EYS: variants seen among roughly 807,000 people sequenced by gnomAD.
EYS encodes the protein EGF-like photoreceptor maintenance factor, also known as protein eyes shut homolog.
In EYS, 250 loss-of-function variants were observed where a neutral mutation model predicts 282.1. The observed-to-expected ratio is 0.89, with a 90% CI of 0.80 to 0.98. The LOEUF is 0.98. EYS is among the 50% of genes least tolerant of loss of function. The probability of loss-of-function intolerance (pLI) is 0.00; values close to 1 mark genes in which losing one functional copy is unlikely to be tolerated. For synonymous variants in EYS, 1,355 were observed against 1,282.9 expected (o/e 1.06, Z -1.20); for missense variants, 4,016 against 3,709.0 (o/e 1.08, Z -2.15).
chr6:64,066,309 A>T (rs1016293105), intron 33 of EYS, 29 bp downstream of exon 33: 1 of 1,524,992 alleles, frequency 6.6e-7, no homozygotes, highest in Admixed American at 2.3e-5. Flanking sequence ...TTTCAGCACG[A>T]AAGAACTACC....
At chr6:64,658,729 G>A (rs1157904581) in intron 22 of EYS, among the ~76,000 whole-genome samples, 1 of 152,182 alleles carries the variant, frequency 6.6e-6, no homozygotes, top group Non-Finnish European at 1.5e-5. Context: ...TGTCTCAGAG[G>A]AGTACCCGGC....
At chr6:65,162,911 T>TTGTGTGTGTGTGTGTGTGTG (rs3036015) in intron 12 of EYS, among the ~76,000 whole-genome samples, 4,387 of 147,318 alleles carry the variant, frequency 0.03, 81 homozygotes, top group Middle Eastern at 0.062. Context: ...CCTGTTCTGT[T>TTGTGTGTGTGTGTGTGTGTG]TGTGTGTGTG....
At chr6:65,077,516 T>C (rs1392031806) in intron 12 of EYS, among the ~76,000 whole-genome samples, 1 of 152,066 alleles carries the variant, frequency 6.6e-6, no homozygotes, top group Non-Finnish European at 1.5e-5. Context: ...AATAAATGCA[T>C]TAAGTTAGAT....
At chr6:64,262,065 T>C (rs1467265769) in intron 30 of EYS, among the ~76,000 whole-genome samples, 1 of 152,140 alleles carries the variant, frequency 6.6e-6, no homozygotes, top group Non-Finnish European at 1.5e-5. Context: ...ACTGTATTCT[T>C]GATTACTTGT....
chr6:65,007,993 T>C (rs1323833646), intron 13 of EYS, among the ~76,000 whole-genome samples: 1 of 152,040 alleles, frequency 6.6e-6, no homozygotes, highest in Non-Finnish European at 1.5e-5. Context: ...TGATCTCTGG[T>C]ATATCAGTCA....
chr6:65,257,620 A>T (rs1767504219), intron 12 of EYS, among the ~76,000 whole-genome samples: 2 of 151,226 alleles, frequency 1.3e-5, no homozygotes, highest in Admixed American at 6.6e-5. Context: ...GTTCTGTTCC[A>T]TTGATCTATA....
intron 33 of EYS, among the ~76,000 whole-genome samples, chr6:64,041,530 G>A (rs1329701678): frequency 6.6e-6 from 1 of 152,114 alleles, no homozygotes; most frequent in Non-Finnish European, 1.5e-5. Context: ...CCCTTTTAAT[G>A]TCCTGTAGCC....
rs552795034 is a variant in EYS at position 63,851,830 on chromosome 6, C to T, written c.7228+12356G>A. On this transcript the variant is annotated intron_variant, in intron 36 of 42. Transcript: ENST00000503581. ...AGAAATAACTAAGATCAGAGCAGAA[C>T]TGAAGGAGATAGAGACACAAAAAAC... is the stretch of plus-strand genomic sequence containing the variant. Among the ~76,000 whole-genome samples, 9 of 152,108 alleles carry T rather than the reference C, an allele frequency of 5.9e-5. No homozygotes were observed. In the South Asian group the frequency reaches 1.2e-3, roughly 21 times the overall value.
At chr6:63,953,049 C>T (rs748124526) in intron 35 of EYS, among the ~76,000 whole-genome samples, 3 of 152,194 alleles carry the variant, frequency 2.0e-5, no homozygotes, top group Non-Finnish European at 4.4e-5. Context: ...TTGGCCTATC[C>T]ACCCTGTGGT....
intron 31 of EYS, among the ~76,000 whole-genome samples, chr6:64,096,217 A>G (rs1772607154): frequency 6.6e-6 from 1 of 152,086 alleles, no homozygotes; most frequent in African/African-American, 2.4e-5. Flanking sequence ...GTTGAATCTG[A>G]CAATTATTTT....
intron 33 of EYS, among the ~76,000 whole-genome samples, chr6:64,059,418 C>T (rs1416784841): frequency 6.6e-6 from 1 of 152,132 alleles, no homozygotes; most frequent in Non-Finnish European, 1.5e-5. Context: ...AGTCAAGTCA[C>T]TTCAAATATG....
At chr6:64,388,881 T>C in intron 28 of EYS, 41 bp from the exon 29 acceptor site, 1 of 1,211,022 alleles carries the variant, frequency 8.3e-7, no homozygotes, top group Non-Finnish European at 1.1e-6. Context: ...GTATAAGTCA[T>C]ATAAACATTT....
rs906782330 is a variant in EYS at position 65,076,845 on chromosome 6, T to G, written c.2024-19118A>C. On this transcript the variant is annotated intron_variant, in intron 12 of 42. Coordinates refer to ENST00000503581, the MANE Select transcript of EYS (RefSeq NM_001142800.2). ...GTTGATTAAATATGAATAGCATGTA[T>G]TCATTGATAATGACTATCAGAAATT... is the stretch of plus-strand genomic sequence containing the variant. Among the ~76,000 whole-genome samples, 3 of 151,982 alleles carry G rather than the reference T, an allele frequency of 2.0e-5. No individual in the cohort carries two copies. The Admixed American group carries it at 2.0e-4, about 10-fold the overall frequency.
At chr6:64,636,351 A>G in intron 22 of EYS, among the ~76,000 whole-genome samples, 1 of 152,206 alleles carries the variant, frequency 6.6e-6, no homozygotes, top group East Asian at 1.9e-4. Context: ...AGCGTTCCCT[A>G]TTTAACAAAT....
chr6:65,432,632 T>C (rs1314578858), intron 5 of EYS, among the ~76,000 whole-genome samples: 9 of 150,692 alleles, frequency 6.0e-5, no homozygotes, highest in Admixed American at 5.3e-4. Context: ...GGAAAGGAGG[T>C]CAGACAATTT....
At chr6:64,285,089 T>C (rs1429913852) in intron 30 of EYS, among the ~76,000 whole-genome samples, 1 of 152,192 alleles carries the variant, frequency 6.6e-6, no homozygotes, top group Non-Finnish European at 1.5e-5. Context: ...TGGGATTTTA[T>C]TTTCTATCCC....
intron 5 of EYS, among the ~76,000 whole-genome samples, chr6:65,462,420 T>C (rs903554316): frequency 5.3e-5 from 8 of 152,200 alleles, no homozygotes; most frequent in Admixed American, 6.6e-5. Flanking sequence ...TAAAGATTCA[T>C]AGAACTCTGC....
chr6:65,257,650 A>G (rs1767505449), intron 12 of EYS, among the ~76,000 whole-genome samples: 1 of 151,704 alleles, frequency 6.6e-6, no homozygotes, highest in Non-Finnish European at 1.5e-5. Flanking sequence ...TGGTACCAGT[A>G]CCATGCTGTT....
chr6:63,905,148 A>G (rs1458174850), intron 35 of EYS, among the ~76,000 whole-genome samples: 1 of 152,144 alleles, frequency 6.6e-6, no homozygotes, highest in African/African-American at 2.4e-5. Flanking sequence ...ATGGAATTCA[A>G]CATGTGGCCT....
Sources: gnomAD v4.1 joint callset for allele counts (sites outside exome capture counted in the v4.1 genomes callset) on GRCh38, gnomAD v4.1.1 for gene constraint, MANE v1.5 for transcripts, NCBI Gene and HGNC (gene_info 2026-07-23, HGNC 2026-07-21) for gene names.